Variants in DOCK5 observed in about 807,000 individuals in gnomAD.
The protein encoded by DOCK5 is dedicator of cytokinesis 5, also known as dedicator of cytokinesis protein 5.
In DOCK5, 142 loss-of-function variants were observed where a neutral mutation model predicts 251.8. The ratio of observed to expected loss-of-function variants is 0.56; its 90% CI spans 0.49 to 0.65. The LOEUF (loss-of-function observed/expected upper bound fraction) is 0.65. Ranked by LOEUF, DOCK5 falls within the 30% of genes least tolerant of loss-of-function variation. The probability of loss-of-function intolerance (pLI) is 0.00; values close to 1 mark genes in which losing one functional copy is unlikely to be tolerated. For missense variants in DOCK5, 2,111 were observed against 2,312.3 expected, an observed-to-expected ratio of 0.91 and a Z score of 1.79; for synonymous variants, 842 against 835.5, an observed-to-expected ratio of 1.01 and a Z score of -0.13.
chr8:25,399,958 G>A lies in DOCK5; in HGVS notation c.4752G>A (p.Glu1584=), dbSNP rs746108362. The A allele has an allele frequency of 1.2e-6, 2 of 1,613,650 alleles. No individual in the cohort carries two copies. Among genetic ancestry groups the A allele is most frequent in the South Asian group, 1.1e-5 (1 of 91,010 alleles). Residue 1584 remains glutamate, a synonymous_variant, in exon 46 of 52, where the codon GAG becomes GAA. Coordinates refer to ENST00000276440, the MANE Select transcript of DOCK5 (RefSeq NM_024940.8). ...KYLQEHPEDQ[E]KVELLKRLIA... ...TGCAGGAGCATCCTGAAGACCAGGA[G>A]AAGGTTGAGCTGCTAAAGCGACTAA...
At chr8:25,342,777 C>T (rs1800265025) in intron 25 of DOCK5, among the ~76,000 whole-genome samples, 1 of 136,766 alleles carries the variant, frequency 7.3e-6, no homozygotes, top group Non-Finnish European at 1.5e-5. Flanking sequence ...CGGCTCACTG[C>T]AACCTCGGCC....
At chr8:25,343,769 C>G (rs1456908578) in intron 25 of DOCK5, among the ~76,000 whole-genome samples, 4 of 152,120 alleles carry the variant, frequency 2.6e-5, no homozygotes, top group Non-Finnish European at 5.9e-5. Context: ...AGTCTTTACA[C>G]CAGGGTAACT....
At chr8:25,226,591 T>G (rs1183290115) in intron 1 of DOCK5, among the ~76,000 whole-genome samples, 6 of 117,206 alleles carry the variant, frequency 5.1e-5, no homozygotes, top group Non-Finnish European at 9.8e-5. Flanking sequence ...TAATTTTAAG[T>G]TTTTTTTTTT....
chr8:25,246,494 G>C (rs912410534), intron 2 of DOCK5, among the ~76,000 whole-genome samples: 2 of 152,156 alleles, frequency 1.3e-5, no homozygotes, highest in East Asian at 1.9e-4. Context: ...GGCTGGTCTC[G>C]TGGCCAACTC....
chr8:25,342,845 C>A (rs1480201405), intron 25 of DOCK5, among the ~76,000 whole-genome samples: 1 of 139,520 alleles, frequency 7.2e-6, no homozygotes, highest in South Asian at 2.3e-4. Flanking sequence ...ACTACAAGGA[C>A]CTGCCACCAA....
At chr8:25,197,737 C>A (rs1801768873) in intron 1 of DOCK5, among the ~76,000 whole-genome samples, 1 of 148,762 alleles carries the variant, frequency 6.7e-6, no homozygotes, top group Non-Finnish European at 1.5e-5. Flanking sequence ...GTACATGCAA[C>A]CATGCCAAGC....
chr8:25,240,915 T>G (rs1170236126), intron 1 of DOCK5, among the ~76,000 whole-genome samples: 1 of 152,184 alleles, frequency 6.6e-6, no homozygotes, highest in East Asian at 1.9e-4. Context: ...GTTCCTTGCT[T>G]CTTCCAGCTT....
chr8:25,373,772 A>G, intron 36 of DOCK5, 114 bp downstream of exon 36: 1 of 959,380 alleles, frequency 1.0e-6, no homozygotes, highest in Non-Finnish European at 1.6e-6. Context: ...GAGACCCCTA[A>G]AAGTACATGA....
Position 25,296,575 on chromosome 8 carries a change from C to G in DOCK5, c.533C>G (p.Thr178Ser). 1 of 1,612,572 alleles carries G rather than the reference C, an allele frequency of 6.2e-7. No individual in the cohort carries two copies. Among genetic ancestry groups the G allele is most frequent in the East Asian group, 2.2e-5 (1 of 44,816 alleles). Residue 178 changes from threonine (T) to serine (S), a missense_variant, in exon 7 of 52, where the codon ACC becomes AGC. Physicochemically the swap from Thr to Ser is moderately conservative, Grantham distance 58. Transcript: ENST00000276440. ...GGGAACATCCTAGACCCTGACGAAA[C>G]CAGCACCATTGCCCTCTTCAAGGCC... ...DNGNILDPDETSTIALFKAHE... is the reference protein window; with the variant it reads ...DNGNILDPDESSTIALFKAHE...
intron 26 of DOCK5, 62 bp from the exon 27 acceptor site, chr8:25,351,669 G>T: frequency 7.6e-7 from 1 of 1,320,102 alleles, no homozygotes. Context: ...TCTATCTGAG[G>T]TTCCTTAAAG....
chr8:25,187,365 TGTG>T (rs1408447458), intron 1 of DOCK5, among the ~76,000 whole-genome samples: 5 of 79,538 alleles, frequency 6.3e-5, no homozygotes, highest in African/African-American at 3.5e-4. Flanking sequence ...GGGTGGAAAT[TGTG>T]TGTGTGTGTG....
At chr8:25,319,249 C>T (rs1054039653) in intron 14 of DOCK5, among the ~76,000 whole-genome samples, 1 of 152,132 alleles carries the variant, frequency 6.6e-6, no homozygotes, top group Non-Finnish European at 1.5e-5. Context: ...TTCTCGTCAT[C>T]GTCATGTTCC....
intron 38 of DOCK5, among the ~76,000 whole-genome samples, chr8:25,379,260 C>T (rs955805726): frequency 3.9e-5 from 6 of 152,168 alleles, no homozygotes; most frequent in African/African-American, 7.2e-5. Context: ...ACTGTTTATT[C>T]TTCCTTATCT....
At chr8:25,384,384 A>T (rs1214426737) in intron 40 of DOCK5, among the ~76,000 whole-genome samples, 1 of 152,020 alleles carries the variant, frequency 6.6e-6, no homozygotes, top group Non-Finnish European at 1.5e-5. Flanking sequence ...ATTTTACACT[A>T]AAAGGGGTCC....
At chr8:25,300,697 G>C (rs1305320708) in intron 9 of DOCK5, 40 bp downstream of exon 9, 3 of 1,556,358 alleles carry the variant, frequency 1.9e-6, no homozygotes, top group Non-Finnish European at 2.6e-6. Context: ...CTTTGTTTGT[G>C]ATATGAGCAT....
At chr8:25,325,634 T>C (rs1805546629) in intron 18 of DOCK5, 87 bp downstream of exon 18, 2 of 1,485,016 alleles carry the variant, frequency 1.3e-6, no homozygotes, top group South Asian at 1.3e-5. Flanking sequence ...CTGGACTATA[T>C]GGGGCTGGGT....
At chr8:25,222,802 C>A (rs771551899) in intron 1 of DOCK5, among the ~76,000 whole-genome samples, 7 of 152,302 alleles carry the variant, frequency 4.6e-5, no homozygotes, top group South Asian at 4.1e-4. Flanking sequence ...CTCAGCATTT[C>A]CCTGCCTGCA....
At chr8:25,295,187 C>G in intron 6 of DOCK5, among the ~76,000 whole-genome samples, 1 of 151,894 alleles carries the variant, frequency 6.6e-6, no homozygotes. Context: ...GCCTATAATC[C>G]CAGCACTTTG....
intron 33 of DOCK5, 95 bp downstream of exon 33, chr8:25,368,820 T>G: frequency 7.9e-7 from 1 of 1,265,068 alleles, no homozygotes; most frequent in Admixed American, 2.7e-5. Context: ...ACCTTAATAA[T>G]GCAAGTCCAT....
Sources: gnomAD v4.1 joint callset for allele counts (sites outside exome capture counted in the v4.1 genomes callset) on GRCh38, gnomAD v4.1.1 for gene constraint, MANE v1.5 for transcripts, NCBI Gene and HGNC (gene_info 2026-07-23, HGNC 2026-07-21) for gene names.